Variants in SLC31A2 observed in about 807,000 individuals in gnomAD.
The protein encoded by SLC31A2 is solute carrier family 31 member 2, also known as protein SLC31A2.
SLC31A2 carries 16 observed loss-of-function variants against 14.4 expected under a neutral mutation model. That is an observed-to-expected ratio of 1.11 (90% confidence interval 0.75 to 1.69). The LOEUF is 1.69. SLC31A2 is among the 40% of genes most tolerant of loss of function. The pLI, the probability that SLC31A2 is intolerant of heterozygous loss-of-function variation, is 0.00. For synonymous variants in SLC31A2, 56 were observed against 68.7 expected (o/e 0.82, Z 0.91); for missense variants, 140 against 173.9 (o/e 0.81, Z 1.10).
chr9:113,161,442 G>A (rs1830010791), intron 2 of SLC31A2, 67 bp from the exon 3 acceptor site: 1 of 1,416,622 alleles, frequency 7.1e-7, no homozygotes, highest in South Asian at 1.2e-5. Flanking sequence ...CCATGAACAG[G>A]TGGAGGTGCT....
Position 113,161,656 on chromosome 9 carries a change from C to G in SLC31A2, c.221C>G (p.Ser74Cys). The change falls in exon 3 of 4, where the codon TCT becomes TGT. Residue 74 changes from serine to cysteine, a missense_variant. Coordinates refer to ENST00000259392, the MANE Select transcript of SLC31A2 (RefSeq NM_001860.3). ...QQTIAETDGDSAGSDSFPVGR... is the reference protein window; with the variant it reads ...QQTIAETDGDCAGSDSFPVGR... Reference sequence around the variant, plus strand: ...ACCATCGCAGAGACAGACGGGGACTCTGCAGGCTCAGATTCATTCCCTGTT... The same window carrying G: ...ACCATCGCAGAGACAGACGGGGACTGTGCAGGCTCAGATTCATTCCCTGTT... 3.1e-6 allele frequency: 5 copies of G among 1,614,040 alleles called. No individual in the cohort carries two copies. The highest frequency in any genetic ancestry group is 4.2e-6 in the Non-Finnish European group (5 of 1,179,900).
At chr9:113,153,568 TA>T (rs1211060257) in intron 1 of SLC31A2, among the ~76,000 whole-genome samples, 1 of 152,200 alleles carries the variant, frequency 6.6e-6, no homozygotes, top group Non-Finnish European at 1.5e-5. Flanking sequence ...AGTGGGCTTT[TA>T]TGTACCTTCC....
intron 2 of SLC31A2, 194 bp from the exon 3 acceptor site, chr9:113,161,315 C>T: frequency 1.7e-6 from 1 of 589,098 alleles, no homozygotes; most frequent in Non-Finnish European, 2.9e-6. Context: ...GGTGGCTTCT[C>T]TTCCTGATCT....
At chr9:113,156,678 C>T (rs2118829295) in intron 1 of SLC31A2, among the ~76,000 whole-genome samples, 1 of 152,252 alleles carries the variant, frequency 6.6e-6, no homozygotes, top group South Asian at 2.1e-4. Context: ...ACCTGGGGAC[C>T]AGAGGGGGCC....
chr9:113,159,051 C>T (rs1237435030), intron 2 of SLC31A2, among the ~76,000 whole-genome samples: 1 of 152,158 alleles, frequency 6.6e-6, no homozygotes, highest in Non-Finnish European at 1.5e-5. Flanking sequence ...TTTGGACAAA[C>T]AGAGGCTGAT....
At position 113,162,939 on chromosome 9, in the gene SLC31A2, C is replaced by T. The variant is rs1564140584; in HGVS notation, c.*22C>T. ...TTAGCTGGTGAGGAACGTGCAGGCA[C>T]TGAGGCTGGAGGGACATGGAGCCCC... On this transcript the variant is annotated 3_prime_UTR_variant, in exon 4 of 4. Coordinates refer to ENST00000259392, the MANE Select transcript of SLC31A2 (RefSeq NM_001860.3). The T allele has an allele frequency of 6.3e-7, 1 of 1,578,360 alleles. No homozygotes were observed. Among genetic ancestry groups the T allele is most frequent in the South Asian group, 1.2e-5 (1 of 86,692 alleles).
chr9:113,161,496 C>T lies in SLC31A2; in HGVS notation c.74-13C>T. 2 of 1,613,376 alleles carry T rather than the reference C, an allele frequency of 1.2e-6. No individual in the cohort carries two copies. Among genetic ancestry groups the T allele is most frequent in the East Asian group, 2.2e-5 (1 of 44,886 alleles). ...GCCTGGCCAGGTCTCCACAACTCTGCCTCCTTTGACAGGCATGGCCCTTTC... is the reference window on the plus strand; with the variant it reads ...GCCTGGCCAGGTCTCCACAACTCTGTCTCCTTTGACAGGCATGGCCCTTTC... On this transcript the variant is annotated splice_polypyrimidine_tract_variant and intron_variant, in intron 2 of 3. Coordinates refer to ENST00000259392, the MANE Select transcript of SLC31A2 (RefSeq NM_001860.3).
chr9:113,160,727 C>T (rs1045373629), intron 2 of SLC31A2, among the ~76,000 whole-genome samples: 9 of 152,144 alleles, frequency 5.9e-5, no homozygotes, highest in Admixed American at 2.0e-4. Flanking sequence ...AAAGTGCCAA[C>T]CTCCAAGCAC....
At position 113,163,207 on chromosome 9, in the gene SLC31A2, T is replaced by C. The variant is rs902733785; in HGVS notation, c.*290T>C. 1 of 237,878 alleles carries C rather than the reference T, an allele frequency of 4.2e-6. No individual in the cohort carries two copies. The highest frequency in any genetic ancestry group is 8.1e-6 in the Non-Finnish European group (1 of 123,936). The allele number at this position is 237,878 out of a possible 1,614,324, so 14.7% of individuals were successfully genotyped here. On this transcript the variant is annotated 3_prime_UTR_variant, in exon 4 of 4. Transcript: ENST00000259392. The stretch of plus-strand genomic sequence containing the variant: ...AGGGGTGGCAGGGTTACTGAGCCCA[T>C]GACAATGCTTCTCTGTGACTCAAAC...
At chr9:113,157,838 GTAC>G in intron 2 of SLC31A2, 45 bp downstream of exon 2, 1 of 1,438,642 alleles carries the variant, frequency 7.0e-7, no homozygotes, top group Non-Finnish European at 9.7e-7. Flanking sequence ...AAGCCTTGTA[GTAC>G]TAGGCAAGGG....
Position 113,164,079 on chromosome 9 carries a change from G to A in SLC31A2, c.*1162G>A, listed in dbSNP as rs1274320735. On this transcript the variant is annotated 3_prime_UTR_variant, in exon 4 of 4. Coordinates refer to ENST00000259392, the MANE Select transcript of SLC31A2 (RefSeq NM_001860.3). ...TCACAGATTAGATGAAAAGATGGTT[G>A]TAAGCTTTGGGAATTAAAAACAAAC... 2 of 150,726 alleles carry A rather than the reference G, an allele frequency of 1.3e-5. No individual in the cohort carries two copies. Among genetic ancestry groups the A allele is most frequent in the Admixed American group, 6.7e-5 (1 of 14,936 alleles). The allele number at this position is 150,726 out of a possible 1,614,324, so 9.3% of individuals were successfully genotyped here. A position where few individuals can be genotyped will look rare whatever the true frequency, so the allele number is the denominator to read the frequency against.
At chr9:113,162,669 TTCTACTCCCTGATA>T (rs1248364307) in intron 3 of SLC31A2, 66 bp from the exon 4 acceptor site, 1 of 1,344,582 alleles carries the variant, frequency 7.4e-7, no homozygotes, top group African/African-American at 1.5e-5. Context: ...CTCAACAGCT[TTCTACTCCCTGATA>T]TCTACTCCCA....
chr9:113,158,593 A>G (rs1052227739), intron 2 of SLC31A2, among the ~76,000 whole-genome samples: 6 of 152,172 alleles, frequency 3.9e-5, no homozygotes, highest in Admixed American at 3.9e-4. Context: ...AGTGGCTGAT[A>G]CTGGTTGTTA....
intron 2 of SLC31A2, among the ~76,000 whole-genome samples, chr9:113,159,563 C>A (rs4483236): frequency 0.27 from 40,277 of 151,932 alleles, 5,843 homozygotes; most frequent in East Asian, 0.63. Flanking sequence ...GGAAAAAAAA[C>A]CCAACTTTTT....
At chr9:113,153,243 G>C (rs1829891540) in intron 1 of SLC31A2, among the ~76,000 whole-genome samples, 1 of 151,540 alleles carries the variant, frequency 6.6e-6, no homozygotes, top group East Asian at 1.9e-4. Flanking sequence ...TGGGGGTGGG[G>C]GGTAAAAGCT....
chr9:113,159,568 C>A (rs1829979747), intron 2 of SLC31A2, among the ~76,000 whole-genome samples: 2 of 152,154 alleles, frequency 1.3e-5, no homozygotes, highest in Non-Finnish European at 2.9e-5. Context: ...AAAAACCCAA[C>A]TTTTTCCTTT....
At chr9:113,158,673 G>C (rs149819277) in intron 2 of SLC31A2, among the ~76,000 whole-genome samples, 28 of 152,326 alleles carry the variant, frequency 1.8e-4, no homozygotes, top group African/African-American at 6.5e-4. Context: ...GGGCTTCCTC[G>C]TGGCAGAGTG....
At chr9:113,156,035 C>G in intron 1 of SLC31A2, 1 of 518,922 alleles carries the variant, frequency 1.9e-6, no homozygotes, top group Non-Finnish European at 3.8e-6. Context: ...CGTCTGCAAG[C>G]AGAAGTTTGT....
chr9:113,161,512 TG>T lies in SLC31A2; in HGVS notation c.79del (p.Ala27ProfsTer30). 6.2e-7 allele frequency: 1 copy of T among 1,613,936 alleles called. No individual in the cohort carries two copies. Among genetic ancestry groups the T allele is most frequent in the African/African-American group, 1.3e-5 (1 of 75,044 alleles). The part of the protein sequence containing the change: ...DFWSVHSPAG[M>X]ALSVLVLLLL... ...ACAACTCTGCCTCCTTTGACAGGCA[TG>T]GCCCTTTCGGTGTTGGTGCTCCTGC... is the stretch of plus-strand genomic sequence containing the variant. On this transcript the variant is annotated frameshift_variant, in exon 3 of 4. Coordinates refer to ENST00000259392, the MANE Select transcript of SLC31A2 (RefSeq NM_001860.3). LOFTEE classifies it high-confidence loss of function.
Sources: gnomAD v4.1 joint callset for allele counts (sites outside exome capture counted in the v4.1 genomes callset) on GRCh38, gnomAD v4.1.1 for gene constraint, MANE v1.5 for transcripts, NCBI Gene and HGNC (gene_info 2026-07-23, HGNC 2026-07-21) for gene names.